Variants in ZZEF1 observed in about 807,000 individuals in gnomAD.
ZZEF1 encodes the protein zinc finger ZZ-type and EF-hand domain containing 1, also known as zinc finger ZZ-type and EF-hand domain-containing protein 1.
Under a neutral mutation model 342.8 loss-of-function variants are expected in ZZEF1, and 157 were observed. The observed-to-expected ratio is 0.46, with a 90% CI of 0.40 to 0.52. The LOEUF is 0.52. ZZEF1 is among the 20% of genes least tolerant of loss of function. The probability of loss-of-function intolerance (pLI) is 0.00; values close to 1 mark genes in which losing one functional copy is unlikely to be tolerated. For synonymous variants in ZZEF1, 1,505 were observed against 1,429.1 expected (o/e 1.05, Z -1.20); for missense variants, 3,480 against 3,725.6 (o/e 0.93, Z 1.72).
intron 21 of ZZEF1, among the ~76,000 whole-genome samples, chr17:4,075,786 G>A (rs2057600722): frequency 2.0e-5 from 3 of 150,540 alleles, no homozygotes; most frequent in South Asian, 2.1e-4. Flanking sequence ...TGGCAAATCT[G>A]GATCTACTCT....
chr17:4,056,442 G>A (rs2057161342), intron 32 of ZZEF1, 97 bp from the exon 33 acceptor site: 1 of 1,268,826 alleles, frequency 7.9e-7, no homozygotes, highest in Admixed American at 3.3e-5. Flanking sequence ...TATTATATTG[G>A]GCATTTTTCA....
In ZZEF1 at chr17:4,104,853, G is replaced by GA. The variant is rs747143711; in HGVS notation, c.1395-43dup. On this transcript the variant is annotated intron_variant, in intron 7 of 54. Coordinates refer to ENST00000381638, the MANE Select transcript of ZZEF1 (RefSeq NM_015113.4). ...AAAACTTTTCACTTCTTAAAAACAT[G>GA]AAAAAATCCAGGTAGCTCAAACCCC... 254 of 1,581,724 alleles carry GA rather than the reference G, an allele frequency of 1.6e-4. 2 individuals carry two copies. The East Asian group carries it at 5.7e-3, about 35-fold the overall frequency.
intron 19 of ZZEF1, among the ~76,000 whole-genome samples, chr17:4,077,422 T>C (rs1213215370): frequency 6.6e-6 from 1 of 152,184 alleles, no homozygotes; most frequent in Non-Finnish European, 1.5e-5. Context: ...ACGTATAATT[T>C]GTCAGCACCC....
intron 42 of ZZEF1, among the ~76,000 whole-genome samples, chr17:4,029,175 G>A (rs908468462): frequency 6.6e-6 from 1 of 152,126 alleles, no homozygotes; most frequent in Non-Finnish European, 1.5e-5. Context: ...CTCTTCAAGT[G>A]TACATGGAAA....
Position 4,142,835 on chromosome 17 carries a change from A to C in ZZEF1, c.61T>G (p.Trp21Gly). The C allele has an allele frequency of 1.4e-6, 2 of 1,398,632 alleles. No individual in the cohort carries two copies. The highest frequency in any genetic ancestry group is 1.8e-6 in the Non-Finnish European group (2 of 1,085,832). 86.6% of individuals were successfully genotyped at this position (1,398,632 alleles called of 1,614,324 possible). ...DEAAAAGGEG[W>G]GPHQDWAAVS... is the part of the protein sequence containing the mutation. ...GCGGCCCAGTCCTGGTGTGGGCCCCAGCCCTCGCCACCGGCAGCTGCCGCT... is the reference window on the plus strand; with the variant it reads ...GCGGCCCAGTCCTGGTGTGGGCCCCCGCCCTCGCCACCGGCAGCTGCCGCT... Residue 21 changes from tryptophan (W) to glycine (G), a missense_variant, in exon 1 of 55, where the codon TGG (tryptophan) becomes GGG (glycine). Physicochemically the swap from Trp to Gly is radical, Grantham distance 184. This residue lies in a region of ZZEF1 where 416 missense variants were observed against 374.2 expected (regional missense o/e 1.11). Transcript: ENST00000381638.
At chr17:4,093,778 G>A in intron 11 of ZZEF1, among the ~76,000 whole-genome samples, 1 of 151,418 alleles carries the variant, frequency 6.6e-6, no homozygotes, top group East Asian at 1.9e-4. Context: ...GGCAAGTTCA[G>A]GGTTTCAGCT....
chr17:4,074,087 C>T lies in ZZEF1; in HGVS notation c.3685+63G>A, dbSNP rs191132424. 7.7e-5 allele frequency: 121 copies of T among 1,578,144 alleles called. 3 individuals carry two copies. The East Asian group carries it at 2.6e-3, about 34-fold the overall frequency. On this transcript the variant is annotated intron_variant, in intron 24 of 54. Transcript: ENST00000381638. ...TACGTGGAAACGACCTACAAGAGGG[C>T]AAGCGCGCATCTTGCACTTCACCGT... is the stretch of plus-strand genomic sequence containing the variant.
In ZZEF1 at chr17:4,013,505, A is replaced by G. The variant is rs1567759376; in HGVS notation, c.8523T>C (p.His2841=). ...LVGVACRQTG[H]QRLKAIHLLL... ...GTAAGTGGATGGCTTTTAATCGTTGATGGCCAGTCTGGCGACAGGCCACGC... is the reference window on the plus strand; with the variant it reads ...GTAAGTGGATGGCTTTTAATCGTTGGTGGCCAGTCTGGCGACAGGCCACGC... Residue 2841 remains histidine, a synonymous_variant, in exon 52 of 55, where the codon CAT becomes CAC. Transcript: ENST00000381638. The G allele has an allele frequency of 6.2e-7, 1 of 1,614,000 alleles. No individual in the cohort carries two copies. The highest frequency in any genetic ancestry group is 8.5e-7 in the Non-Finnish European group (1 of 1,179,900).
chr17:4,118,048 C>T (rs2058426685), intron 2 of ZZEF1, among the ~76,000 whole-genome samples: 1 of 152,122 alleles, frequency 6.6e-6, no homozygotes, highest in African/African-American at 2.4e-5. Flanking sequence ...AGGTGACACA[C>T]CAAGATGTCA....
At position 4,081,299 on chromosome 17, in the gene ZZEF1, G is replaced by T. The variant is rs59238798; in HGVS notation, c.2829+77C>A. ...ACATTCATACTGCAAAGAGGCAAAGGGGGGCACAAGAGACTGCCACATCAC... is the reference window on the plus strand; with the variant it reads ...ACATTCATACTGCAAAGAGGCAAAGTGGGGCACAAGAGACTGCCACATCAC... On this transcript the variant is annotated intron_variant, in intron 18 of 54. Coordinates refer to ENST00000381638, the MANE Select transcript of ZZEF1 (RefSeq NM_015113.4). 5,004 of 1,177,640 alleles carry T rather than the reference G, an allele frequency of 4.2e-3. 173 individuals are homozygous for T. In the African/African-American group the frequency reaches 0.066, roughly 15 times the overall value. 72.9% of individuals were successfully genotyped at this position (1,177,640 alleles called of 1,614,324 possible).
At chr17:4,056,376 T>A in intron 32 of ZZEF1, 31 bp from the exon 33 acceptor site, 1 of 1,550,584 alleles carries the variant, frequency 6.4e-7, no homozygotes, top group South Asian at 1.3e-5. Context: ...GAGAAAAGCA[T>A]GCCTCTCCCA....
Position 4,021,185 on chromosome 17 carries a change from G to A in ZZEF1, c.7348C>T (p.Gln2450Ter). The change falls in exon 45 of 55, where the codon CAG becomes TAG. Residue 2450 changes from glutamine (Q) to a stop codon, truncating the protein, a stop_gained. Coordinates refer to ENST00000381638, the MANE Select transcript of ZZEF1 (RefSeq NM_015113.4). LOFTEE classifies it high-confidence loss of function. ...CCCTCAAGGGGGTCCAGCTTTTTCT[G>A]CTCTGGGTCGCCAGGGCTGCTGACT... ...RPVSSPGDPE[Q>*]KKLDPLEGLD... The A allele has an allele frequency of 6.2e-7, 1 of 1,614,094 alleles. No homozygotes were observed.
intron 39 of ZZEF1, among the ~76,000 whole-genome samples, chr17:4,039,896 G>A (rs1185199215): frequency 6.6e-6 from 1 of 151,862 alleles, no homozygotes; most frequent in Non-Finnish European, 1.5e-5. Context: ...TGCCCGCCTT[G>A]GCCTCCCAAA....
chr17:4,059,342 TTAATAA>T (rs771380291), intron 30 of ZZEF1, 52 bp from the exon 31 acceptor site: 11 of 1,569,336 alleles, frequency 7.0e-6, no homozygotes, highest in Non-Finnish European at 3.4e-6. Flanking sequence ...CATCTTTTTC[TTAATAA>T]TAATAATGAT....
intron 42 of ZZEF1, among the ~76,000 whole-genome samples, chr17:4,030,410 C>A (rs2056516321): frequency 6.6e-6 from 1 of 152,194 alleles, no homozygotes; most frequent in African/African-American, 2.4e-5. Context: ...AATGATTTTT[C>A]AACCTTTATA....
chr17:4,074,396 A>G (rs1327970186), intron 23 of ZZEF1, 45 bp from the exon 24 acceptor site: 1 of 1,592,782 alleles, frequency 6.3e-7, no homozygotes, highest in Non-Finnish European at 8.6e-7. Flanking sequence ...TTAGAGGAGG[A>G]GTGCTTCAGA....
At chr17:4,096,775 A>G in intron 9 of ZZEF1, 75 bp from the exon 10 acceptor site, 1 of 1,188,850 alleles carries the variant, frequency 8.4e-7, no homozygotes, top group Admixed American at 1.8e-5. Context: ...AACAAAAACA[A>G]ACCATATCCT....
chr17:4,017,589 G>A lies in ZZEF1; in HGVS notation c.7783C>T (p.Leu2595=), dbSNP rs35904239. 1.2e-6 allele frequency: 2 copies of A among 1,614,258 alleles called. No homozygotes were observed. The highest frequency in any genetic ancestry group is 1.7e-6 in the Non-Finnish European group (2 of 1,180,048). The change falls in exon 48 of 55, where the codon CTG becomes TTG. Residue 2595 remains leucine (L), a synonymous_variant. Transcript: ENST00000381638. The surrounding 1 kb of genome is among the most constrained non-coding windows in gnomAD (Gnocchi z 5.1). ...ACAGCCCTCTTACTCTTGCAGTTCA[G>A]CTCCTTGTGCAGGAGGGCGGCGCTC... ...SKSAALLHKE[L]NCKSKRAVRD...
chr17:4,141,537 T>A (rs570808978), intron 1 of ZZEF1, among the ~76,000 whole-genome samples: 25 of 151,992 alleles, frequency 1.6e-4, no homozygotes, highest in Admixed American at 1.6e-3. Flanking sequence ...AAACAAAAAA[T>A]AGGGTGCGGG....
Sources: allele counts gnomAD v4.1 joint callset (sites outside exome capture counted in the v4.1 genomes callset), GRCh38; gene constraint gnomAD v4.1.1; regional missense constraint gnomAD v4.1.1; non-coding constraint Gnocchi (gnomAD v3.1); transcripts MANE v1.5; gene names NCBI Gene and HGNC (gene_info 2026-07-23, HGNC 2026-07-21).